The following DST variants were observed in gnomAD, a reference collection of about 807,000 sequenced individuals.
DST encodes the protein dystonin.
A neutral mutation model predicts 875.2 loss-of-function variants in DST; 253 were observed. The observed-to-expected ratio is 0.29, with a 90% CI of 0.26 to 0.32. The LOEUF is 0.32. Among genes scored for constraint, DST ranks in the 10% least tolerant of loss-of-function variants. DST has a pLI of 1.00. For synonymous variants in DST, 3,124 were observed against 3,197.1 expected (o/e 0.98, Z 0.77); for missense variants, 8,287 against 9,111.6 (o/e 0.91, Z 3.68).
intron 9 of DST, among the ~76,000 whole-genome samples, chr6:56,690,383 T>C (rs973286673): frequency 1.3e-5 from 2 of 152,106 alleles, no homozygotes; most frequent in African/African-American, 4.8e-5. Flanking sequence ...AACATGTTGA[T>C]AACATTTATA....
intron 9 of DST, among the ~76,000 whole-genome samples, chr6:56,683,284 G>A (rs557698975): frequency 3.9e-5 from 6 of 152,210 alleles, no homozygotes; most frequent in African/African-American, 7.2e-5. Flanking sequence ...GATACACCTC[G>A]AATAATATTG....
At chr6:56,468,022 T>A (rs1421532182) in intron 98 of DST, among the ~76,000 whole-genome samples, 3 of 152,200 alleles carry the variant, frequency 2.0e-5, no homozygotes, top group Non-Finnish European at 4.4e-5. Flanking sequence ...CTATTTTAAA[T>A]AAATTATTTG....
At chr6:56,729,783 C>G (rs746063622) in intron 5 of DST, among the ~76,000 whole-genome samples, 4 of 152,052 alleles carry the variant, frequency 2.6e-5, no homozygotes, top group African/African-American at 9.7e-5. Context: ...GCCACCAAAT[C>G]AGAAAATAAA....
chr6:56,614,367 A>G lies in DST; in HGVS notation c.5047T>C (p.Ser1683Pro), dbSNP rs772542076. The G allele has an allele frequency of 1.2e-6, 2 of 1,606,222 alleles. No homozygotes were observed. Among genetic ancestry groups the G allele is most frequent in the East Asian group, 2.2e-5 (1 of 44,534 alleles). ...DAEKAGKPPFSKQKISSEEIS... is the reference protein window; with the variant it reads ...DAEKAGKPPFPKQKISSEEIS... Reference sequence around the variant, plus strand: ...ACTTCTGTGAATACCTTTTGCTTAGAGAAGGGAGGTTTTCCAGCCTTCTCT... The same window carrying G: ...ACTTCTGTGAATACCTTTTGCTTAGGGAAGGGAGGTTTTCCAGCCTTCTCT... Residue 1683 changes from serine to proline, a missense_variant, in exon 37 of 104, where the codon TCT (serine) becomes CCT (proline). Ser to Pro is a moderately conservative substitution (Grantham distance 74, BLOSUM62 -1). This residue lies in a region of DST where 3,138 missense variants were observed against 3,116.6 expected (regional missense o/e 1.01). Transcript: ENST00000680361.
At chr6:56,951,600 T>C (rs1229760564) in intron 2 of DST, among the ~76,000 whole-genome samples, 1 of 152,246 alleles carries the variant, frequency 6.6e-6, no homozygotes, top group Non-Finnish European at 1.5e-5. Context: ...ATTTCATTTA[T>C]GTAAGCAAAG....
At chr6:56,848,636 A>G (rs1027583246) in intron 4 of DST, among the ~76,000 whole-genome samples, 1 of 152,230 alleles carries the variant, frequency 6.6e-6, no homozygotes, top group Non-Finnish European at 1.5e-5. Context: ...GCCACATTAT[A>G]AGTTAAACAG....
intron 4 of DST, among the ~76,000 whole-genome samples, chr6:56,755,133 T>TAA (rs61664817): frequency 1.7e-4 from 22 of 129,150 alleles, no homozygotes; most frequent in African/African-American, 5.7e-4. Context: ...ATGAAGAAAA[T>TAA]AAAAAAAAAA....
At position 56,501,215 on chromosome 6, in the gene DST, T is replaced by C. The variant is rs758488384; in HGVS notation, c.19761A>G (p.Leu6587=). 2.6e-5 allele frequency: 42 copies of C among 1,600,208 alleles called. No individual in the cohort carries two copies. Among genetic ancestry groups the C allele is most frequent in the Non-Finnish European group, 2.7e-5 (32 of 1,176,096 alleles). ...INRQHKLEGA[L]LALGQFQHAL... ...CATGTTGGAACTGACCCAAGGCTAA[T>C]AGAGCACCCTCCAGTTTATGCTACA... Residue 6587 remains leucine, a synonymous_variant, in exon 80 of 104, where the codon CTA becomes CTG. Transcript: ENST00000680361.
At chr6:56,484,330 CTTTTA>C (rs748787707) in intron 88 of DST, 9 of 151,806 alleles carry the variant, frequency 5.9e-5, no homozygotes, top group East Asian at 5.8e-4. Context: ...TTTATTTATT[CTTTTA>C]TTTTATTTTA....
intron 2 of DST, among the ~76,000 whole-genome samples, chr6:56,936,561 AT>A (rs931559591): frequency 2.0e-5 from 3 of 151,418 alleles, no homozygotes; most frequent in African/African-American, 7.3e-5. Context: ...GAAATCACTC[AT>A]TTTTTTTTCT....
At chr6:56,624,372 A>G in intron 36 of DST, 158 bp downstream of exon 36, 1 of 702,020 alleles carries the variant, frequency 1.4e-6, no homozygotes, top group Non-Finnish European at 2.6e-6. Context: ...GCCTTCAGTC[A>G]TTTTCATTGT....
At chr6:56,476,462 G>T (rs935996516) in intron 91 of DST, 125 bp from the exon 92 acceptor site, 2 of 814,208 alleles carry the variant, frequency 2.5e-6, no homozygotes, top group Non-Finnish European at 3.6e-6. Flanking sequence ...AATGCTTCTG[G>T]TCTTTTTAGA....
intron 4 of DST, among the ~76,000 whole-genome samples, chr6:56,774,078 C>T (rs1163349911): frequency 1.4e-5 from 2 of 147,760 alleles, no homozygotes; most frequent in Admixed American, 6.8e-5. Context: ...GGCACCACTG[C>T]ACTCCAGCCT....
chr6:56,769,103 A>C (rs1564082441), intron 4 of DST, among the ~76,000 whole-genome samples: 1 of 152,350 alleles, frequency 6.6e-6, no homozygotes, highest in East Asian at 1.9e-4. Flanking sequence ...CAATCATAAG[A>C]AAGCAAACAA....
At chr6:56,560,177 CATT>C in intron 58 of DST, 114 bp downstream of exon 58, 1 of 1,064,614 alleles carries the variant, frequency 9.4e-7, no homozygotes, top group African/African-American at 1.6e-5. Context: ...GATTCTGAAA[CATT>C]AAAGCAAATC....
chr6:56,548,053 G>A (rs906959795), intron 61 of DST, among the ~76,000 whole-genome samples: 2 of 152,210 alleles, frequency 1.3e-5, no homozygotes, highest in Admixed American at 6.5e-5. Flanking sequence ...AGCAGGTTCT[G>A]AGGTAAGGCA....
rs1388775866 is a variant in DST, at chr6:56,520,769, T to C, written c.18130-3149A>G. 2.6e-5 allele frequency among the ~76,000 whole-genome samples: 4 copies of C among 152,066 alleles called. No individual in the cohort carries two copies. The Middle Eastern group carries it at 0.01, about 388-fold the overall frequency. On this transcript the variant is annotated intron_variant, in intron 69 of 103. Coordinates refer to ENST00000680361, the MANE Select transcript of DST (RefSeq NM_001374736.1). ...TTTAAAAGAAAGAAAACCAACTCTG[T>C]GGGTAACGTCTCACCTATCAGTTCC...
At chr6:56,912,925 A>G (rs2127720611) in intron 2 of DST, among the ~76,000 whole-genome samples, 1 of 152,334 alleles carries the variant, frequency 6.6e-6, no homozygotes, top group Middle Eastern at 3.4e-3. Context: ...GAACACAGAC[A>G]TTGGTGAGCA....
chr6:56,517,684 T>G, intron 69 of DST, 64 bp from the exon 70 acceptor site: 1 of 1,525,578 alleles, frequency 6.6e-7, no homozygotes, highest in East Asian at 2.4e-5. Context: ...AATACCTATC[T>G]ACAGTTCTTT....
Sources: allele counts gnomAD v4.1 joint callset (sites outside exome capture counted in the v4.1 genomes callset), GRCh38; gene constraint gnomAD v4.1.1; regional missense constraint gnomAD v4.1.1; transcripts MANE v1.5; gene names NCBI Gene and HGNC (gene_info 2026-07-23, HGNC 2026-07-21).